BNC2: variants seen among roughly 807,000 people sequenced by gnomAD.
BNC2 encodes zinc finger protein basonuclin-2.
BNC2 carries 20 observed loss-of-function variants against 76.3 expected under a neutral mutation model. The ratio of observed to expected loss-of-function variants is 0.26; its 90% CI spans 0.18 to 0.38. The LOEUF (loss-of-function observed/expected upper bound fraction) is 0.38. Among genes scored for constraint, BNC2 ranks in the 10% least tolerant of loss-of-function variants. The pLI, the probability that BNC2 is intolerant of heterozygous loss-of-function variation, is 1.00. For missense variants in BNC2, 1,382 were observed against 1,399.8 expected, an observed-to-expected ratio of 0.99 and a Z score of 0.20; for synonymous variants, 582 against 514.8, an observed-to-expected ratio of 1.13 and a Z score of -1.77.
At chr9:16,730,490 G>C (rs1239873547) in intron 2 of BNC2, among the ~76,000 whole-genome samples, 1 of 152,192 alleles carries the variant, frequency 6.6e-6, no homozygotes, top group African/African-American at 2.4e-5. Context: ...AAATGTGACA[G>C]ACTGAGAGAA....
At chr9:16,505,936 T>C (rs1292535576) in intron 5 of BNC2, among the ~76,000 whole-genome samples, 1 of 152,180 alleles carries the variant, frequency 6.6e-6, no homozygotes, top group East Asian at 1.9e-4. Context: ...CTTTCAAAAA[T>C]TCTGGAGTAC....
chr9:16,473,292 G>A (rs1821862415), intron 5 of BNC2: 1 of 152,234 alleles, frequency 6.6e-6, no homozygotes, highest in Non-Finnish European at 1.5e-5. Flanking sequence ...ATCTTCAGAA[G>A]GGGATCCTAC....
chr9:16,710,903 A>G (rs1823817989), intron 3 of BNC2, among the ~76,000 whole-genome samples: 1 of 152,184 alleles, frequency 6.6e-6, no homozygotes, highest in Admixed American at 6.5e-5. Flanking sequence ...AGAAAAACCT[A>G]AATTAACACT....
chr9:16,520,860 C>T (rs949419199), intron 5 of BNC2, among the ~76,000 whole-genome samples: 1 of 152,136 alleles, frequency 6.6e-6, no homozygotes, highest in African/African-American at 2.4e-5. Flanking sequence ...ATGGCACAAG[C>T]ATAGCTTTAA....
At chr9:16,853,726 G>C (rs1350109496) in intron 1 of BNC2, among the ~76,000 whole-genome samples, 1 of 152,058 alleles carries the variant, frequency 6.6e-6, no homozygotes, top group East Asian at 1.9e-4. Flanking sequence ...AAATTAGCTG[G>C]ACGTGGTAGT....
At chr9:16,789,457 T>C (rs1442790144) in intron 1 of BNC2, among the ~76,000 whole-genome samples, 1 of 152,152 alleles carries the variant, frequency 6.6e-6, no homozygotes, top group African/African-American at 2.4e-5. Flanking sequence ...CTGGCCCATA[T>C]CTTACCCTAC....
At chr9:16,707,353 T>C (rs1823709949) in intron 3 of BNC2, among the ~76,000 whole-genome samples, 1 of 152,214 alleles carries the variant, frequency 6.6e-6, no homozygotes, top group African/African-American at 2.4e-5. Flanking sequence ...AATCAAGTGA[T>C]GCCGTGAGAT....
chr9:16,501,011 C>G (rs1424101724), intron 5 of BNC2, among the ~76,000 whole-genome samples: 2 of 152,122 alleles, frequency 1.3e-5, no homozygotes, highest in Non-Finnish European at 2.9e-5. Context: ...TGTGTGAGTT[C>G]AAATCCCAGC....
intron 3 of BNC2, among the ~76,000 whole-genome samples, chr9:16,613,687 G>A (rs138325709): frequency 2.0e-5 from 3 of 152,250 alleles, no homozygotes; most frequent in African/African-American, 7.2e-5. Flanking sequence ...CCATAATTTG[G>A]GCGCCCCTGC....
At chr9:16,479,417 CA>C (rs1007412890) in intron 5 of BNC2, among the ~76,000 whole-genome samples, 1 of 152,208 alleles carries the variant, frequency 6.6e-6, no homozygotes, top group African/African-American at 2.4e-5. Flanking sequence ...CAGCACCTAG[CA>C]AAAGTTTTCA....
At chr9:16,816,757 C>T (rs3936215) in intron 1 of BNC2, among the ~76,000 whole-genome samples, 56,223 of 152,044 alleles carry the variant, frequency 0.37, 13,698 homozygotes, top group Non-Finnish European at 0.55. Flanking sequence ...CTACTCCAAA[C>T]TGGGAGGCTC....
At chr9:16,629,050 G>A (rs915324058) in intron 3 of BNC2, among the ~76,000 whole-genome samples, 1 of 152,174 alleles carries the variant, frequency 6.6e-6, no homozygotes, top group Non-Finnish European at 1.5e-5. Flanking sequence ...CTTTTCCAAA[G>A]TCTCAATCAG....
At chr9:16,717,331 G>A (rs2134813528) in intron 3 of BNC2, among the ~76,000 whole-genome samples, 1 of 151,942 alleles carries the variant, frequency 6.6e-6, no homozygotes, top group South Asian at 2.1e-4. Context: ...TCTTTTTTAA[G>A]TATATAGCTT....
chr9:16,486,407 C>T (rs1333156686), intron 5 of BNC2, among the ~76,000 whole-genome samples: 1 of 152,132 alleles, frequency 6.6e-6, no homozygotes, highest in Non-Finnish European at 1.5e-5. Flanking sequence ...TAGGTTGGGG[C>T]AGGAAGAATT....
At chr9:16,430,800 T>C (rs1180367042) in intron 6 of BNC2, among the ~76,000 whole-genome samples, 2 of 152,258 alleles carry the variant, frequency 1.3e-5, no homozygotes, top group Non-Finnish European at 2.9e-5. Context: ...AATACACATG[T>C]CTTCCGCCAT....
At chr9:16,785,181 C>T (rs1306665767) in intron 1 of BNC2, among the ~76,000 whole-genome samples, 1 of 152,146 alleles carries the variant, frequency 6.6e-6, no homozygotes, top group Non-Finnish European at 1.5e-5. Flanking sequence ...TAATATGTGT[C>T]CACATTTATG....
chr9:16,591,859 C>G (rs1362466743), intron 3 of BNC2, among the ~76,000 whole-genome samples: 2 of 152,038 alleles, frequency 1.3e-5, no homozygotes, highest in Non-Finnish European at 2.9e-5. Context: ...TTACATTTGT[C>G]TAATTGTTTT....
Position 16,435,921 on chromosome 9 carries a change from C to G in BNC2, c.2273G>C (p.Arg758Thr). 6.2e-7 allele frequency: 1 copy of G among 1,613,964 alleles called. No individual in the cohort carries two copies. Among genetic ancestry groups the G allele is most frequent in the Non-Finnish European group, 8.5e-7 (1 of 1,180,000 alleles). ...VSEKVLMNSE[R>T]PDENHSEPSH... ...GGGCTCACTGTGGTTCTCATCAGGCCTCTCACTATTCATCAGGACTTTTTC... is the reference window on the plus strand; with the variant it reads ...GGGCTCACTGTGGTTCTCATCAGGCGTCTCACTATTCATCAGGACTTTTTC... The change falls in exon 6 of 7, where the codon AGG becomes ACG. Residue 758 changes from arginine to threonine, a missense_variant. Transcript: ENST00000380672.
chr9:16,603,114 C>G (rs1820288784), intron 3 of BNC2, among the ~76,000 whole-genome samples: 1 of 152,104 alleles, frequency 6.6e-6, no homozygotes, highest in African/African-American at 2.4e-5. Context: ...ATTGTCAAAC[C>G]AGTAATAGAT....
Sources: allele counts gnomAD v4.1 joint callset (sites outside exome capture counted in the v4.1 genomes callset), GRCh38; gene constraint gnomAD v4.1.1; transcripts MANE v1.5; gene names NCBI Gene and HGNC (gene_info 2026-07-23, HGNC 2026-07-21).